Variants in METTL15 observed in about 807,000 individuals in gnomAD.
The protein encoded by METTL15 is 12S rRNA N(4)-cytidine methyltransferase METTL15.
METTL15 carries 34 observed loss-of-function variants against 38.3 expected under a neutral mutation model. The ratio of observed to expected loss-of-function variants is 0.89; its 90% confidence interval spans 0.68 to 1.18. The LOEUF is 1.18. Ranked by LOEUF, METTL15 falls within the 50% of genes most tolerant of loss-of-function variation. The pLI is 0.00. For synonymous variants in METTL15, 162 were observed against 170.9 expected, an observed-to-expected ratio of 0.95 and a Z score of 0.41; for missense variants, 438 against 498.4, an observed-to-expected ratio of 0.88 and a Z score of 1.15.
intron 3 of METTL15, chr11:28,197,348 A>T (rs1019306438): frequency 6.2e-5 from 14 of 225,154 alleles, no homozygotes; most frequent in Non-Finnish European, 1.0e-4. Flanking sequence ...TTAGCATAAA[A>T]TTTTTTGGAA....
Position 28,332,375 on chromosome 11 carries a change from C to T in METTL15, c.*1534C>T, listed in dbSNP as rs1339005775. ...AGACATATTCCCAAAAAATTCTTAT[C>T]TCTGTATGTGATTGGAAAAGAAAAG... On this transcript the variant is annotated 3_prime_UTR_variant, in exon 7 of 7. Transcript: ENST00000407364. The T allele has an allele frequency of 2.6e-5, 4 of 152,048 alleles. No homozygotes were observed. The East Asian group carries it at 7.7e-4, about 29-fold the overall frequency. 9.4% of individuals were successfully genotyped at this position (152,048 alleles called of 1,614,324 possible). A position where few individuals can be genotyped will look rare whatever the true frequency, so the allele number is the denominator to read the frequency against.
chr11:28,220,414 G>A (rs1025095987), intron 4 of METTL15, among the ~76,000 whole-genome samples: 1 of 151,994 alleles, frequency 6.6e-6, no homozygotes, highest in Non-Finnish European at 1.5e-5. Flanking sequence ...CATTTGCTTG[G>A]TAGATCTTCC....
In METTL15 at chr11:28,438,567, C is replaced by T. The variant is rs187916208; in HGVS notation, c.*424+14203C>T. Among the ~76,000 whole-genome samples the T allele has an allele frequency of 2.3e-4, 35 of 152,272 alleles. 1 individual carries two copies. In the East Asian group the frequency reaches 6.2e-3, roughly 27 times the overall value. ...CCTCTGAACATTCAAGTTTAGTTGG[C>T]CTGGGGCCAAGTCCCAGGAAACTGT... On this transcript the variant is annotated intron_variant and NMD_transcript_variant, in intron 6 of 7. Transcript: ENST00000532947.
intron 3 of METTL15, among the ~76,000 whole-genome samples, chr11:28,131,501 A>ATTTTTTTTTTT (rs370387962): frequency 8.5e-6 from 1 of 117,558 alleles, no homozygotes; most frequent in Non-Finnish European, 1.7e-5. Context: ...ACTTCCAAGC[A>ATTTTTTTTTTT]TTTTTTTTTT....
chr11:28,363,976 A>G (rs539880846), intron 5 of METTL15, among the ~76,000 whole-genome samples: 2 of 152,176 alleles, frequency 1.3e-5, no homozygotes, highest in South Asian at 4.2e-4. Context: ...ATTTTGTCCC[A>G]GGTCCAATGG....
downstream of METTL15, among the ~76,000 whole-genome samples, chr11:28,531,030 A>G (rs946816492): frequency 6.6e-6 from 1 of 151,906 alleles, no homozygotes; most frequent in African/African-American, 2.4e-5. Flanking sequence ...TGTTTTACAT[A>G]CTAAATGGCA....
At chr11:28,180,211 AC>A (rs1479146180) in intron 3 of METTL15, among the ~76,000 whole-genome samples, 1 of 151,840 alleles carries the variant, frequency 6.6e-6, no homozygotes, top group Non-Finnish European at 1.5e-5. Flanking sequence ...GAGCAAATGA[AC>A]CCTTGACTCC....
At chr11:28,371,979 T>A (rs1404197492) in intron 5 of METTL15, among the ~76,000 whole-genome samples, 1 of 152,042 alleles carries the variant, frequency 6.6e-6, no homozygotes, top group Non-Finnish European at 1.5e-5. Context: ...ATGCCTTTTT[T>A]TCTTTCTCTC....
intron 5 of METTL15, among the ~76,000 whole-genome samples, chr11:28,394,955 TGGC>T (rs1263318163): frequency 1.3e-5 from 2 of 152,132 alleles, no homozygotes; most frequent in East Asian, 3.9e-4. Flanking sequence ...GATGCCACAA[TGGC>T]TGATTTCTCC....
chr11:28,497,656 T>G (rs1851546829), intron 6 of METTL15, among the ~76,000 whole-genome samples: 1 of 152,204 alleles, frequency 6.6e-6, no homozygotes. Flanking sequence ...TTGTGCCTAA[T>G]GAGGGCTTGG....
intron 4 of METTL15, among the ~76,000 whole-genome samples, chr11:28,225,191 C>G (rs904040377): frequency 1.3e-5 from 2 of 151,744 alleles, no homozygotes; most frequent in Non-Finnish European, 3.0e-5. Flanking sequence ...CTTATGATAA[C>G]TATTAGCATT....
intron 3 of METTL15, among the ~76,000 whole-genome samples, chr11:28,200,729 G>A (rs1210418578): frequency 6.6e-6 from 1 of 152,074 alleles, no homozygotes; most frequent in East Asian, 1.9e-4. Flanking sequence ...TTGGTGTAAA[G>A]GAATGCTTGT....
intron 5 of METTL15, among the ~76,000 whole-genome samples, chr11:28,400,026 C>T (rs1472035309): frequency 6.6e-6 from 1 of 151,878 alleles, no homozygotes; most frequent in Admixed American, 6.6e-5. Context: ...TTGCAATTAG[C>T]TGGATTTGCC....
chr11:28,113,493 A>G lies in METTL15; in HGVS notation c.159A>G (p.Gln53=), dbSNP rs1851809218. 6.2e-7 allele frequency: 1 copy of G among 1,613,008 alleles called. No homozygotes were observed. Among genetic ancestry groups the G allele is most frequent in the Admixed American group, 1.7e-5 (1 of 59,994 alleles). The change falls in exon 3 of 7, where the codon CAA becomes CAG. Residue 53 remains glutamine, a synonymous_variant. Coordinates refer to ENST00000407364, the MANE Select transcript of METTL15 (RefSeq NM_001113528.2). ...YEAREQTDQT[Q]AQELHRSQDR... Reference sequence around the variant, plus strand: ...CCCGGGAGCAAACAGATCAAACTCAAGCCCAGGAGTTACACAGATCTCAAG... The same window carrying G: ...CCCGGGAGCAAACAGATCAAACTCAGGCCCAGGAGTTACACAGATCTCAAG...
chr11:28,410,858 T>C (rs1332756433), intron 5 of METTL15: 2 of 152,066 alleles, frequency 1.3e-5, no homozygotes, highest in Non-Finnish European at 2.9e-5. Context: ...AATATGATTC[T>C]ATAGGCAGAA....
intron 5 of METTL15, among the ~76,000 whole-genome samples, chr11:28,367,202 G>GAAA (rs35410826): frequency 1.4e-5 from 2 of 140,174 alleles, no homozygotes; most frequent in Non-Finnish European, 3.1e-5. Flanking sequence ...GAGCCACTGA[G>GAAA]AAAAAAAAAA....
intron 4 of METTL15, among the ~76,000 whole-genome samples, chr11:28,237,951 C>G (rs558253082): frequency 2.2e-4 from 33 of 152,256 alleles, no homozygotes; most frequent in African/African-American, 7.5e-4. Flanking sequence ...GCTGTCTGAT[C>G]ATTCCTCTGG....
chr11:28,433,174 T>G (rs1001684059), intron 6 of METTL15, among the ~76,000 whole-genome samples: 12 of 151,604 alleles, frequency 7.9e-5, no homozygotes, highest in African/African-American at 2.4e-4. Context: ...TTTTTTTTGT[T>G]TTTTTTTGGC....
At chr11:28,338,312 T>C (rs1186904908), downstream of METTL15, among the ~76,000 whole-genome samples, 1 of 152,136 alleles carries the variant, frequency 6.6e-6, no homozygotes, top group Non-Finnish European at 1.5e-5. Context: ...TCCTCATCAA[T>C]TTTTAAATTT....
Sources: allele counts gnomAD v4.1 joint callset (sites outside exome capture counted in the v4.1 genomes callset), GRCh38; gene constraint gnomAD v4.1.1; transcripts MANE v1.5; gene names NCBI Gene and HGNC (gene_info 2026-07-23, HGNC 2026-07-21).